The following SCFD2 variants were observed in gnomAD, a reference collection of about 807,000 sequenced individuals.
SCFD2 encodes sec1 family domain-containing protein 2.
Under a neutral mutation model 58.9 loss-of-function variants are expected in SCFD2, and 54 were observed. The observed-to-expected ratio is 0.92, with a 90% CI of 0.74 to 1.15. SCFD2 has a LOEUF of 1.15. SCFD2 is among the 50% of genes most tolerant of loss of function. The pLI is 0.00. For synonymous variants in SCFD2, 321 were observed against 335.9 expected, an observed-to-expected ratio of 0.96 and a Z score of 0.49; for missense variants, 805 against 836.6, an observed-to-expected ratio of 0.96 and a Z score of 0.47.
chr4:52,905,143 C>T (rs566202277), intron 7 of SCFD2, among the ~76,000 whole-genome samples: 1 of 152,340 alleles, frequency 6.6e-6, no homozygotes, highest in South Asian at 2.1e-4. Flanking sequence ...ACTCCATCTG[C>T]ATTTTGCATC....
At chr4:53,000,614 C>A (rs1721842328) in intron 5 of SCFD2, among the ~76,000 whole-genome samples, 1 of 152,214 alleles carries the variant, frequency 6.6e-6, no homozygotes. Context: ...GGCCATAGCG[C>A]CAAGCATCAC....
chr4:52,921,431 T>C (rs187450745), intron 5 of SCFD2, among the ~76,000 whole-genome samples: 3 of 152,268 alleles, frequency 2.0e-5, no homozygotes, highest in African/African-American at 7.2e-5. Context: ...TGTTTCTTTT[T>C]CAAACTCAGA....
At chr4:53,316,089 C>T (rs879654196) in intron 2 of SCFD2, among the ~76,000 whole-genome samples, 31 of 152,314 alleles carry the variant, frequency 2.0e-4, no homozygotes, top group African/African-American at 3.8e-4. Context: ...AGAGGTCTCC[C>T]CTTACTGCCC....
intron 4 of SCFD2, among the ~76,000 whole-genome samples, chr4:53,248,405 C>A (rs576409479): frequency 2.0e-5 from 3 of 152,242 alleles, no homozygotes; most frequent in African/African-American, 7.2e-5. Context: ...GAAATTCGAA[C>A]TGGGTGGAGC....
chr4:53,214,451 C>T (rs561993563), intron 4 of SCFD2, among the ~76,000 whole-genome samples: 1 of 152,154 alleles, frequency 6.6e-6, no homozygotes, highest in South Asian at 2.1e-4. Flanking sequence ...GCATAAATGT[C>T]TTCTTTTGAG....
intron 6 of SCFD2, among the ~76,000 whole-genome samples, chr4:52,915,350 T>C (rs1719576439): frequency 6.6e-6 from 1 of 152,198 alleles, no homozygotes; most frequent in Admixed American, 6.5e-5. Flanking sequence ...TCTGCAAAAT[T>C]GACTCTGAAC....
At chr4:52,992,834 G>T (rs566425704) in intron 5 of SCFD2, among the ~76,000 whole-genome samples, 17 of 151,130 alleles carry the variant, frequency 1.1e-4, no homozygotes, top group Admixed American at 8.5e-4. Context: ...GCCTCTGCCC[G>T]GCTGCCCCGT....
chr4:53,020,221 T>C (rs1340333014), intron 5 of SCFD2, among the ~76,000 whole-genome samples: 3 of 152,254 alleles, frequency 2.0e-5, no homozygotes, highest in South Asian at 2.1e-4. Context: ...AACAGTACTG[T>C]ACTTGCTAAT....
intron 3 of SCFD2, among the ~76,000 whole-genome samples, chr4:53,285,467 G>A (rs1351087539): frequency 6.6e-6 from 1 of 151,964 alleles, no homozygotes; most frequent in East Asian, 1.9e-4. Flanking sequence ...AAAACTGCTA[G>A]CCATATTATC....
intron 7 of SCFD2, among the ~76,000 whole-genome samples, chr4:52,896,432 G>T (rs1560473375): frequency 2.0e-5 from 3 of 152,158 alleles, no homozygotes; most frequent in Non-Finnish European, 2.9e-5. Context: ...TTTCCCCATT[G>T]CTTGTTTTTG....
At chr4:53,065,426 G>A (rs1432665434) in intron 5 of SCFD2, among the ~76,000 whole-genome samples, 2 of 152,038 alleles carry the variant, frequency 1.3e-5, no homozygotes, top group Non-Finnish European at 2.9e-5. Context: ...TAAGTCAGAT[G>A]TCAGATTAGG....
At chr4:53,295,683 A>G (rs1732003199) in intron 3 of SCFD2, among the ~76,000 whole-genome samples, 1 of 152,154 alleles carries the variant, frequency 6.6e-6, no homozygotes, top group Non-Finnish European at 1.5e-5. Flanking sequence ...GTTGAAAAGG[A>G]GTGGTGAGAG....
chr4:53,245,169 T>C (rs1730026744), intron 4 of SCFD2, among the ~76,000 whole-genome samples: 1 of 152,068 alleles, frequency 6.6e-6, no homozygotes, highest in Non-Finnish European at 1.5e-5. Flanking sequence ...AGCTGAATTA[T>C]ACTAGATGTA....
At chr4:53,246,647 T>C (rs74791001) in intron 4 of SCFD2, among the ~76,000 whole-genome samples, 2 of 152,096 alleles carry the variant, frequency 1.3e-5, no homozygotes, top group Non-Finnish European at 2.9e-5. Flanking sequence ...TAGCAGAAGA[T>C]TGAAAGTGGA....
intron 5 of SCFD2, among the ~76,000 whole-genome samples, chr4:53,008,185 C>T (rs1722021150): frequency 6.6e-6 from 1 of 152,180 alleles, no homozygotes; most frequent in Admixed American, 6.5e-5. Flanking sequence ...ATGCAGGAAG[C>T]ACTAGAATAC....
At chr4:53,229,427 A>C (rs1224739775) in intron 4 of SCFD2, among the ~76,000 whole-genome samples, 1 of 152,258 alleles carries the variant, frequency 6.6e-6, no homozygotes, top group East Asian at 1.9e-4. Context: ...ACAGAGATAT[A>C]GACCAATGGA....
chr4:53,016,543 C>T (rs1350726142), intron 5 of SCFD2, among the ~76,000 whole-genome samples: 2 of 152,122 alleles, frequency 1.3e-5, no homozygotes, highest in South Asian at 2.1e-4. Context: ...TTCAAAACTC[C>T]AATGCTTCAA....
At chr4:53,310,696 G>T (rs908529005) in intron 3 of SCFD2, among the ~76,000 whole-genome samples, 4 of 152,138 alleles carry the variant, frequency 2.6e-5, no homozygotes, top group Non-Finnish European at 5.9e-5. Context: ...ATAATAAAAT[G>T]AATTTTTCTC....
At chr4:53,325,622 C>CA (rs2149124356) in intron 2 of SCFD2, among the ~76,000 whole-genome samples, 1 of 152,138 alleles carries the variant, frequency 6.6e-6, no homozygotes, top group South Asian at 2.1e-4. Context: ...CAGCTTTCTA[C>CA]AAAAAATAAA....
Sources: allele counts gnomAD v4.1 joint callset (sites outside exome capture counted in the v4.1 genomes callset), GRCh38; gene constraint gnomAD v4.1.1; transcripts MANE v1.5; gene names NCBI Gene and HGNC (gene_info 2026-07-23, HGNC 2026-07-21).